CSGALNACT1: variants seen among roughly 807,000 people sequenced by gnomAD.
The protein encoded by CSGALNACT1 is beta4GalNAcT-1.
In CSGALNACT1, 52 loss-of-function variants were observed where a neutral mutation model predicts 51.0. The ratio of observed to expected loss-of-function variants is 1.02; its 90% CI spans 0.82 to 1.29. CSGALNACT1 has a LOEUF of 1.29. Ranked by LOEUF, CSGALNACT1 falls within the 50% of genes most tolerant of loss-of-function variation. The probability of loss-of-function intolerance (pLI) is 0.00; values close to 1 mark genes in which losing one functional copy is unlikely to be tolerated. For synonymous variants in CSGALNACT1, 341 were observed against 254.4 expected (o/e 1.34, Z -3.24); for missense variants, 935 against 679.2 (o/e 1.38, Z -4.19).
intron 1 of CSGALNACT1, among the ~76,000 whole-genome samples, chr8:19,626,211 A>G (rs2154166184): frequency 6.6e-6 from 1 of 152,346 alleles, no homozygotes; most frequent in Middle Eastern, 3.4e-3. Context: ...TGGTATTTGC[A>G]GAGAAAAAGG....
chr8:19,718,990 ATCTATC>A (rs1196365290), intron 1 of CSGALNACT1, among the ~76,000 whole-genome samples: 1 of 152,060 alleles, frequency 6.6e-6, no homozygotes, highest in Non-Finnish European at 1.5e-5. Flanking sequence ...TTAAGTAACC[ATCTATC>A]TCTGTCTTGT....
At chr8:19,720,983 G>T (rs954819308) in intron 1 of CSGALNACT1, among the ~76,000 whole-genome samples, 2 of 152,164 alleles carry the variant, frequency 1.3e-5, no homozygotes, top group African/African-American at 4.8e-5. Flanking sequence ...GGACAGAGAA[G>T]AAAACACACA....
intron 1 of CSGALNACT1, among the ~76,000 whole-genome samples, chr8:19,672,943 C>A (rs1359839284): frequency 2.0e-5 from 3 of 152,222 alleles, no homozygotes; most frequent in Non-Finnish European, 2.9e-5. Flanking sequence ...CCAATGGAAA[C>A]CTCTGAGTTT....
At chr8:19,541,579 T>TTC (rs1588072447) in intron 3 of CSGALNACT1, among the ~76,000 whole-genome samples, 1 of 136,530 alleles carries the variant, frequency 7.3e-6, no homozygotes, top group East Asian at 2.4e-4. Flanking sequence ...TTTTTTTTTT[T>TTC]AGTAGAGACA....
At chr8:19,506,606 G>A (rs1237467964) in intron 3 of CSGALNACT1, among the ~76,000 whole-genome samples, 14 of 152,176 alleles carry the variant, frequency 9.2e-5, no homozygotes, top group Admixed American at 9.2e-4. Context: ...GGGCCTGGTG[G>A]GAAGTGTTTA....
chr8:19,728,245 C>A (rs1213248694), intron 1 of CSGALNACT1, among the ~76,000 whole-genome samples: 1 of 152,148 alleles, frequency 6.6e-6, no homozygotes, highest in Admixed American at 6.5e-5. Flanking sequence ...AAAGGAAACA[C>A]TATGATAATT....
intron 1 of CSGALNACT1, among the ~76,000 whole-genome samples, chr8:19,671,921 T>C (rs1589420122): frequency 6.6e-6 from 1 of 152,246 alleles, no homozygotes; most frequent in Non-Finnish European, 1.5e-5. Flanking sequence ...TTCCATCTCA[T>C]GAATGTACCA....
chr8:19,721,772 G>A (rs1263006408), intron 1 of CSGALNACT1, among the ~76,000 whole-genome samples: 1 of 152,176 alleles, frequency 6.6e-6, no homozygotes, highest in Admixed American at 6.5e-5. Flanking sequence ...CTAATGAACT[G>A]CACGATATAT....
At chr8:19,649,520 T>C (rs1007211599) in intron 1 of CSGALNACT1, among the ~76,000 whole-genome samples, 1 of 152,124 alleles carries the variant, frequency 6.6e-6, no homozygotes, top group Non-Finnish European at 1.5e-5. Context: ...AATGTTGTCT[T>C]AGTCCTATGT....
At chr8:19,466,126 G>C (rs897974774) in intron 4 of CSGALNACT1, among the ~76,000 whole-genome samples, 3 of 152,138 alleles carry the variant, frequency 2.0e-5, no homozygotes, top group African/African-American at 4.8e-5. Flanking sequence ...ATTTTGAAAG[G>C]GGGGATTTTT....
chr8:19,734,964 A>C (rs1481234074), intron 1 of CSGALNACT1, among the ~76,000 whole-genome samples: 1 of 152,134 alleles, frequency 6.6e-6, no homozygotes, highest in Non-Finnish European at 1.5e-5. Context: ...CATGGATCCA[A>C]ACAGATAAGA....
chr8:19,480,345 A>G (rs905674511), intron 4 of CSGALNACT1, among the ~76,000 whole-genome samples: 1 of 152,078 alleles, frequency 6.6e-6, no homozygotes, highest in Non-Finnish European at 1.5e-5. Flanking sequence ...GCTACCACTT[A>G]TTGGTGAGAA....
intron 6 of CSGALNACT1, among the ~76,000 whole-genome samples, chr8:19,438,081 G>T (rs1390379053): frequency 3.3e-5 from 5 of 152,022 alleles, no homozygotes; most frequent in Non-Finnish European, 7.3e-5. Flanking sequence ...CAAATGCCTG[G>T]TCATTCTTTG....
chr8:19,463,117 C>T (rs1396702598), intron 4 of CSGALNACT1, among the ~76,000 whole-genome samples: 4 of 151,518 alleles, frequency 2.6e-5, no homozygotes, highest in Non-Finnish European at 5.9e-5. Flanking sequence ...TAACGGCCTC[C>T]AGCTGCATTC....
At chr8:19,604,968 G>C (rs1344267814), upstream of CSGALNACT1, among the ~76,000 whole-genome samples, 1 of 151,034 alleles carries the variant, frequency 6.6e-6, no homozygotes, top group Non-Finnish European at 1.5e-5. Flanking sequence ...CAGCTGCATG[G>C]AAGTGGTAGC....
chr8:19,604,934 AG>A, upstream of CSGALNACT1, among the ~76,000 whole-genome samples: 1 of 149,174 alleles, frequency 6.7e-6, no homozygotes, highest in South Asian at 2.1e-4. Context: ...AAAAAAAAAA[AG>A]TAAGTATGGG....
chr8:19,481,306 G>T (rs2153915596), intron 4 of CSGALNACT1, among the ~76,000 whole-genome samples: 1 of 152,216 alleles, frequency 6.6e-6, no homozygotes, highest in African/African-American at 2.4e-5. Context: ...CACCTTGCTA[G>T]TCACGGTCCT....
intron 3 of CSGALNACT1, among the ~76,000 whole-genome samples, chr8:19,534,674 C>A (rs2083409712): frequency 6.6e-6 from 1 of 151,942 alleles, no homozygotes. Flanking sequence ...GAATCGAAAA[C>A]CGAATCAGAA....
chr8:19,414,284 AC>A (rs1437017564), intron 8 of CSGALNACT1, among the ~76,000 whole-genome samples: 2 of 152,208 alleles, frequency 1.3e-5, no homozygotes, highest in Non-Finnish European at 2.9e-5. Context: ...CAGAGGGTGA[AC>A]AAAAAACCGG....
Sources: gnomAD v4.1 joint callset for allele counts (sites outside exome capture counted in the v4.1 genomes callset) on GRCh38, gnomAD v4.1.1 for gene constraint, MANE v1.5 for transcripts, NCBI Gene and HGNC (gene_info 2026-07-23, HGNC 2026-07-21) for gene names.